Variants in DOCK2 observed in about 807,000 individuals in gnomAD.
DOCK2 encodes dedicator of cytokinesis protein 2.
DOCK2 carries 87 observed loss-of-function variants against 248.9 expected under a neutral mutation model. That is an observed-to-expected ratio of 0.35 (90% CI 0.29 to 0.42). The LOEUF is 0.42. Ranked by LOEUF, DOCK2 falls within the 10% of genes least tolerant of loss-of-function variation. DOCK2 has a pLI of 1.00. For missense variants in DOCK2, 1,747 were observed against 2,300.2 expected (o/e 0.76, Z 4.92); for synonymous variants, 805 against 821.6 (o/e 0.98, Z 0.35).
At chr5:169,756,577 C>T (rs962754565) in intron 23 of DOCK2, among the ~76,000 whole-genome samples, 2 of 152,064 alleles carry the variant, frequency 1.3e-5, no homozygotes, top group African/African-American at 4.8e-5. Context: ...GCTCAGGGCC[C>T]TGAGGGCTGT....
At chr5:170,067,970 G>A (rs1204965750) in intron 45 of DOCK2, among the ~76,000 whole-genome samples, 2 of 152,198 alleles carry the variant, frequency 1.3e-5, no homozygotes, top group East Asian at 3.8e-4. Flanking sequence ...GATTCAGGTG[G>A]CTCTATTAAG....
At chr5:169,638,459 G>A (rs1756966295) in intron 1 of DOCK2, among the ~76,000 whole-genome samples, 1 of 152,228 alleles carries the variant, frequency 6.6e-6, no homozygotes, top group Admixed American at 6.5e-5. Flanking sequence ...AAGGCTAGAG[G>A]CTTGGACTGG....
At chr5:169,891,995 C>CAAAAAA (rs571918885) in intron 27 of DOCK2, among the ~76,000 whole-genome samples, 3 of 64,192 alleles carry the variant, frequency 4.7e-5, no homozygotes, top group Admixed American at 1.6e-4. Context: ...GATTCCGTCC[C>CAAAAAA]AAAAAAAAAA....
intron 9 of DOCK2, among the ~76,000 whole-genome samples, chr5:169,689,714 C>G (rs1420227666): frequency 1.3e-5 from 2 of 152,156 alleles, no homozygotes; most frequent in African/African-American, 4.8e-5. Context: ...TCAGGGCTTT[C>G]TGAAAAATCT....
chr5:169,811,362 AC>A, intron 26 of DOCK2, among the ~76,000 whole-genome samples: 1 of 152,210 alleles, frequency 6.6e-6, no homozygotes, highest in East Asian at 1.9e-4. Context: ...AATCAATACC[AC>A]CCTGCAAGAG....
rs565160049 is a variant in DOCK2 at position 169,650,137 on chromosome 5, A to G, written c.44-4266A>G. Reference sequence around the variant, plus strand: ...GTCTGTCTTATCTATCACTGTGACTATAGTACTCAGAGCAATATCTAGCAC... The same window carrying G: ...GTCTGTCTTATCTATCACTGTGACTGTAGTACTCAGAGCAATATCTAGCAC... On this transcript the variant is annotated intron_variant, in intron 1 of 51. Transcript: ENST00000520908. Among the ~76,000 whole-genome samples, 147 of 152,282 alleles carry G rather than the reference A, an allele frequency of 9.7e-4. 1 individual carries two copies. Among genetic ancestry groups the G allele is most frequent in the African/African-American group, 3.4e-3 (141 of 41,544 alleles).
intron 1 of DOCK2, among the ~76,000 whole-genome samples, chr5:169,647,513 T>C (rs1423551390): frequency 1.3e-5 from 2 of 152,136 alleles, no homozygotes; most frequent in Non-Finnish European, 2.9e-5. Context: ...CGAGGTCCTG[T>C]GAGAGCACAG....
chr5:169,743,306 T>A (rs1291462548), intron 22 of DOCK2, among the ~76,000 whole-genome samples: 1 of 152,202 alleles, frequency 6.6e-6, no homozygotes, highest in Admixed American at 6.5e-5. Context: ...CATTGGTGGC[T>A]TGTGCCTGTC....
At chr5:169,795,202 TTGGACTTTCGA>T (rs1193794450) in intron 25 of DOCK2, among the ~76,000 whole-genome samples, 1 of 152,168 alleles carries the variant, frequency 6.6e-6, no homozygotes, top group African/African-American at 2.4e-5. Context: ...AGAGCTTGGT[TTGGACTTTCGA>T]TGGATATCTA....
chr5:169,964,520 C>T (rs1777221919), intron 27 of DOCK2, among the ~76,000 whole-genome samples: 1 of 152,246 alleles, frequency 6.6e-6, no homozygotes, highest in Admixed American at 6.5e-5. Flanking sequence ...GCCAGCTCTT[C>T]TGCTGGAATA....
intron 22 of DOCK2, among the ~76,000 whole-genome samples, chr5:169,746,691 A>C (rs1025958923): frequency 6.6e-6 from 1 of 152,226 alleles, no homozygotes; most frequent in Non-Finnish European, 1.5e-5. Context: ...CTGGTTTTAC[A>C]TGAGGGACTG....
intron 30 of DOCK2, among the ~76,000 whole-genome samples, chr5:170,007,950 A>G (rs1755110045): frequency 6.6e-6 from 1 of 152,194 alleles, no homozygotes; most frequent in African/African-American, 2.4e-5. Flanking sequence ...CTGATCTGGC[A>G]ACCACACTTT....
chr5:169,961,396 C>G lies in DOCK2; in HGVS notation c.2800-21672C>G, dbSNP rs115129536. ...TGCCTTGCATCAGGGGAATGTATTA[C>G]CTTTGCCTGCTAATCAACTCTAACA... On this transcript the variant is annotated intron_variant, in intron 27 of 51. Coordinates refer to ENST00000520908, the MANE Select transcript of DOCK2 (RefSeq NM_004946.3). 3.7e-3 allele frequency among the ~76,000 whole-genome samples: 557 copies of G among 152,330 alleles called. 9 individuals carry two copies. Among genetic ancestry groups the G allele is most frequent in the South Asian group, 0.03 (143 of 4,828 alleles).
At chr5:169,660,051 GC>G (rs1308976417) in intron 2 of DOCK2, among the ~76,000 whole-genome samples, 1 of 152,152 alleles carries the variant, frequency 6.6e-6, no homozygotes, top group Non-Finnish European at 1.5e-5. Flanking sequence ...ACTGAAATAA[GC>G]CCTCTATGAT....
At chr5:169,954,896 G>C (rs1303616582) in intron 27 of DOCK2, among the ~76,000 whole-genome samples, 3 of 152,230 alleles carry the variant, frequency 2.0e-5, no homozygotes, top group African/African-American at 7.2e-5. Context: ...AGCCAGGGGA[G>C]CGTGGGTGAA....
chr5:170,003,485 G>A (rs1754912444), intron 30 of DOCK2, among the ~76,000 whole-genome samples: 1 of 152,238 alleles, frequency 6.6e-6, no homozygotes, highest in African/African-American at 2.4e-5. Flanking sequence ...CCTCAAATCA[G>A]GAAGTGATCA....
At chr5:169,844,027 T>G (rs889834225) in intron 27 of DOCK2, among the ~76,000 whole-genome samples, 1 of 152,180 alleles carries the variant, frequency 6.6e-6, no homozygotes, top group Non-Finnish European at 1.5e-5. Flanking sequence ...CACAAACAAG[T>G]GTTGTATGAA....
intron 27 of DOCK2, among the ~76,000 whole-genome samples, chr5:169,869,476 G>A (rs1165682162): frequency 1.3e-5 from 2 of 152,188 alleles, no homozygotes; most frequent in African/African-American, 2.4e-5. Context: ...AAGGAAAATT[G>A]CCACTTTTCT....
intron 23 of DOCK2, among the ~76,000 whole-genome samples, chr5:169,757,700 C>A (rs2839730): frequency 0.2 from 30,070 of 151,860 alleles, 4,828 homozygotes; most frequent in African/African-American, 0.41. Context: ...AAAAGGGTTA[C>A]TATTAATGAT....
Sources: gnomAD v4.1 joint callset for allele counts (sites outside exome capture counted in the v4.1 genomes callset) on GRCh38, gnomAD v4.1.1 for gene constraint, MANE v1.5 for transcripts, NCBI Gene and HGNC (gene_info 2026-07-23, HGNC 2026-07-21) for gene names.